PITX1: variants seen among roughly 807,000 people sequenced by gnomAD.
The protein encoded by PITX1 is pituitary homeobox 1.
A neutral mutation model predicts 24.1 loss-of-function variants in PITX1; 5 were observed. The observed-to-expected ratio is 0.21, with a 90% CI of 0.11 to 0.44. The LOEUF (loss-of-function observed/expected upper bound fraction) is 0.44. Ranked by LOEUF, PITX1 falls within the 20% of genes least tolerant of loss-of-function variation. The pLI, the probability that PITX1 is intolerant of heterozygous loss-of-function variation, is 0.99. For synonymous variants in PITX1, 213 were observed against 208.9 expected, an observed-to-expected ratio of 1.02 and a Z score of -0.17; for missense variants, 401 against 455.4, an observed-to-expected ratio of 0.88 and a Z score of 1.09.
Position 135,028,827 on chromosome 5 carries a change from G to T in PITX1, c.897C>A (p.Gly299=). 5 of 1,612,666 alleles carry T rather than the reference G, an allele frequency of 3.1e-6. No individual in the cohort carries two copies. The highest frequency in any genetic ancestry group is 4.2e-6 in the Non-Finnish European group (5 of 1,179,626). The change falls in exon 3 of 3, where the codon GGC becomes GGA. Residue 299 remains glycine (G), a synonymous_variant. Coordinates refer to ENST00000265340, the MANE Select transcript of PITX1 (RefSeq NM_002653.5). ...TGAGGCCCGAGGCCGGGCCCTGCAG[G>T]CCGCCGTAGCCAAACGACGAGTGCT... ...SKQHSSFGYG[G]LQGPASGLNA...
At position 135,029,103 on chromosome 5, in the gene PITX1, C is replaced by T. The variant is rs1331316432; in HGVS notation, c.621G>A (p.Pro207=). ...CTGAGAACATGGACTGCGACGACAG[C>T]GGGCTCATGGAGTTGAAGAAGGTGA... is the stretch of plus-strand genomic sequence containing the variant. ...KSFTFFNSMS[P]LSSQSMFSAP... Residue 207 remains proline (P), a synonymous_variant, in exon 3 of 3, where the codon CCG becomes CCA. Transcript: ENST00000265340. 6.2e-7 allele frequency: 1 copy of T among 1,614,200 alleles called. No homozygotes were observed. The highest frequency in any genetic ancestry group is 1.7e-5 in the Admixed American group (1 of 60,034).
chr5:135,029,043 G>A lies in PITX1; in HGVS notation c.681C>T (p.Ser227=). 3 of 1,614,236 alleles carry A rather than the reference G, an allele frequency of 1.9e-6. No homozygotes were observed. The highest frequency in any genetic ancestry group is 2.5e-6 in the Non-Finnish European group (3 of 1,180,038). The part of the protein sequence containing the change: ...PSSISSMTMP[S]SMGPGAVPGM... ...CAGGCACGGCGCCTGGGCCCATGCT[G>A]GACGGCATGGTCATGGAGGAGATGG... The change falls in exon 3 of 3, where the codon TCC becomes TCT. Residue 227 remains serine, a synonymous_variant. Transcript: ENST00000265340.
Position 135,033,970 on chromosome 5 carries a change from C to T in PITX1, c.-89G>A. On this transcript the variant is annotated 5_prime_UTR_variant, in exon 1 of 3. Coordinates refer to ENST00000265340, the MANE Select transcript of PITX1 (RefSeq NM_002653.5). The surrounding 1 kb of genome is among the most constrained non-coding windows in gnomAD (Gnocchi z 5.9). ...GCGACCTGCGGGGACAAGAGCGCAG[C>T]GCCTAAGCGGCTGCCCTCCAGGGCT... 2 of 891,094 alleles carry T rather than the reference C, an allele frequency of 2.2e-6. No individual in the cohort carries two copies. Among genetic ancestry groups the T allele is most frequent in the Non-Finnish European group, 3.0e-6 (2 of 674,830 alleles). The allele number at this position is 891,094 out of a possible 1,614,324, so 55.2% of individuals were successfully genotyped here.
At position 135,028,882 on chromosome 5, in the gene PITX1, C is replaced by G; in HGVS notation, c.842G>C (p.Ser281Thr). ...YSVYRDTCNS[S>T]LASLRLKSKQ... ...GGACTTGAGCCGCAGGCTGGCTAGG[C>G]TCGAGTTGCACGTGTCCCGGTAGAC... Residue 281 changes from serine (S) to threonine (T), a missense_variant, in exon 3 of 3, where the codon AGC becomes ACC. Transcript: ENST00000265340. The G allele has an allele frequency of 6.2e-7, 1 of 1,613,648 alleles. No homozygotes were observed. The highest frequency in any genetic ancestry group is 8.5e-7 in the Non-Finnish European group (1 of 1,179,908).
rs1365985651 is a variant in PITX1 at position 135,031,460 on chromosome 5, C to T, written c.218G>A (p.Gly73Glu). ...GTCTGCGCCGCCGCAGCCCGTGCCT[C>T]CCGCACCACTGTCCTCGGGCCCCTT... ...EPKGPEDSGAGGTGCGGADDP... is the reference protein window; with the variant it reads ...EPKGPEDSGAEGTGCGGADDP... The change falls in exon 2 of 3, where the codon GGA (glycine) becomes GAA (glutamate). Residue 73 changes from glycine to glutamate, a missense_variant. Around this residue, in one of 3 missense-constraint regions of PITX1, gnomAD observed 136 missense variants for 133.3 expected, o/e 1.02. Coordinates refer to ENST00000265340, the MANE Select transcript of PITX1 (RefSeq NM_002653.5). The T allele has an allele frequency of 6.2e-6, 10 of 1,613,742 alleles. No homozygotes were observed. The highest frequency in any genetic ancestry group is 2.2e-5 in the East Asian group (1 of 44,880).
Position 135,031,499 on chromosome 5 carries a change from C to A in PITX1, c.179G>T (p.Arg60Leu). 6.2e-7 allele frequency: 1 copy of A among 1,610,972 alleles called. No individual in the cohort carries two copies. Among genetic ancestry groups the A allele is most frequent in the South Asian group, 1.1e-5 (1 of 90,988 alleles). ...SSDTELPEKE[R>L]GGEPKGPEDS... ...CTCGGGCCCCTTGGGTTCCCCGCCGCGCTCCTTCTCTGCAGTAGGCAGGAC... is the reference window on the plus strand; with the variant it reads ...CTCGGGCCCCTTGGGTTCCCCGCCGAGCTCCTTCTCTGCAGTAGGCAGGAC... The change falls in exon 2 of 3, where the codon CGC becomes CTC. Residue 60 changes from arginine to leucine, a missense_variant. Coordinates refer to ENST00000265340, the MANE Select transcript of PITX1 (RefSeq NM_002653.5).
At chr5:135,032,859 G>A (rs1167173807) in intron 1 of PITX1, 1 of 352,724 alleles carries the variant, frequency 2.8e-6, no homozygotes, top group Non-Finnish European at 5.6e-6. Flanking sequence ...AAAGTGGAGA[G>A]AAACATTCAG....
chr5:135,030,238 C>A (rs1454595605), intron 2 of PITX1, among the ~76,000 whole-genome samples: 1 of 152,118 alleles, frequency 6.6e-6, no homozygotes, highest in Non-Finnish European at 1.5e-5. Flanking sequence ...GTGGAGTTTC[C>A]TGAGCTAGTT....
intron 1 of PITX1, chr5:135,031,727 G>C (rs1752454757): frequency 1.7e-6 from 1 of 595,352 alleles, no homozygotes; most frequent in African/African-American, 1.9e-5. Flanking sequence ...CCAAGAATCG[G>C]AGCTGGAGCC....
chr5:135,028,467 A>AAC lies in PITX1; in HGVS notation c.*310_*311dup, dbSNP rs70976561. 0.82 allele frequency: 126,152 copies of AAC among 153,076 alleles called. 52,862 individuals carry two copies. The highest frequency in any genetic ancestry group is 0.98 in the East Asian group (5,169 of 5,254). 9.5% of individuals were successfully genotyped at this position (153,076 alleles called of 1,614,324 possible). On this transcript the variant is annotated 3_prime_UTR_variant, in exon 3 of 3. Transcript: ENST00000265340. ...GGAGTGGGCCTCCGGGGCCCGTGGGAACACACACACCACCCGCGCCATCCC... is the reference window on the plus strand; with the variant it reads ...GGAGTGGGCCTCCGGGGCCCGTGGGAACACACACACACCACCCGCGCCATCCC...
chr5:135,033,588 T>G lies in PITX1; in HGVS notation c.169+125A>C. The G allele has an allele frequency of 3.0e-6, 3 of 989,938 alleles. No individual in the cohort carries two copies. Among genetic ancestry groups the G allele is most frequent in the South Asian group, 2.8e-5 (2 of 70,868 alleles). 61.3% of individuals were successfully genotyped at this position (989,938 alleles called of 1,614,324 possible). On this transcript the variant is annotated intron_variant, in intron 1 of 2. Transcript: ENST00000265340. The surrounding 1 kb of genome is among the most constrained non-coding windows in gnomAD (Gnocchi z 5.9). ...AGGTCGAGAACGGGAAAAAGAAAGC[T>G]CCTGACGCTTCTGGGGCGGAGAGGG... is the stretch of plus-strand genomic sequence containing the variant.
rs886765208 is a variant in PITX1 at position 135,029,120 on chromosome 5, A to G, written c.604T>C (p.Phe202Leu). ...APLSTKSFTF[F>L]NSMSPLSSQS... Reference sequence around the variant, plus strand: ...GACGACAGCGGGCTCATGGAGTTGAAGAAGGTGAAGCTCTTGGTGGAGAGC... The same window carrying G: ...GACGACAGCGGGCTCATGGAGTTGAGGAAGGTGAAGCTCTTGGTGGAGAGC... The change falls in exon 3 of 3, where the codon TTC (phenylalanine) becomes CTC (leucine). Residue 202 changes from phenylalanine (F) to leucine (L), a missense_variant. By Grantham distance (22) the Phe-to-Leu change is conservative. Around this residue, in one of 3 missense-constraint regions of PITX1, gnomAD observed 217 missense variants for 219.8 expected, o/e 0.99. Coordinates refer to ENST00000265340, the MANE Select transcript of PITX1 (RefSeq NM_002653.5). 23 of 1,614,236 alleles carry G rather than the reference A, an allele frequency of 1.4e-5. No individual in the cohort carries two copies. Among genetic ancestry groups the G allele is most frequent in the Non-Finnish European group, 1.9e-5 (23 of 1,180,038 alleles).
In PITX1 at chr5:135,031,361, G is replaced by A; in HGVS notation, c.317C>T (p.Ala106Val). 1 of 1,614,098 alleles carries A rather than the reference G, an allele frequency of 6.2e-7. No individual in the cohort carries two copies. The highest frequency in any genetic ancestry group is 1.7e-5 in the Admixed American group (1 of 60,032). Residue 106 changes from alanine to valine, a missense_variant, in exon 2 of 3, where the codon GCC (alanine) becomes GTC (valine). Transcript: ENST00000265340. ...GGGGTAGCGGTTCCTCTGGAACGTG[G>A]CCTCTAGCTCTTGCAACTGCTGGCT... ...FTSQQLQELE[A>V]TFQRNRYPDM...
In PITX1 at chr5:135,029,298, G is replaced by A. The variant is rs756617907; in HGVS notation, c.426C>T (p.Ala142=). 6.2e-7 allele frequency: 1 copy of A among 1,601,802 alleles called. No homozygotes were observed. Among genetic ancestry groups the A allele is most frequent in the Non-Finnish European group, 8.5e-7 (1 of 1,173,120 alleles). The stretch of plus-strand genomic sequence containing the variant: ...GGTTACGCTCGCGCTTACGCCACTT[G>A]GCTCGCCGGTTCTTGAACCAGACCT... The part of the protein sequence containing the change: ...RVRVWFKNRR[A]KWRKRERNQQ... Residue 142 remains alanine (A), a synonymous_variant, in exon 3 of 3, where the codon GCC becomes GCT. Coordinates refer to ENST00000265340, the MANE Select transcript of PITX1 (RefSeq NM_002653.5).
chr5:135,028,861 T>A lies in PITX1; in HGVS notation c.863A>T (p.Lys288Met). The change falls in exon 3 of 3, where the codon AAG (lysine) becomes ATG (methionine). Residue 288 changes from lysine (K) to methionine (M), a missense_variant. Lys to Met is a moderately conservative substitution (Grantham distance 95, BLOSUM62 -1). Around this residue, in one of 3 missense-constraint regions of PITX1, gnomAD observed 217 missense variants for 219.8 expected, o/e 0.99. Coordinates refer to ENST00000265340, the MANE Select transcript of PITX1 (RefSeq NM_002653.5). ...CNSSLASLRL[K>M]SKQHSSFGYG... ...GCCAAACGACGAGTGCTGTTTGGAC[T>A]TGAGCCGCAGGCTGGCTAGGCTCGA... 6.2e-7 allele frequency: 1 copy of A among 1,613,870 alleles called. No homozygotes were observed. Among genetic ancestry groups the A allele is most frequent in the Non-Finnish European group, 8.5e-7 (1 of 1,179,944 alleles).
Position 135,028,549 on chromosome 5 carries a change from CTTTTTTTTTTTT to C in PITX1, c.*218_*229del, listed in dbSNP as rs70976562. The C allele has an allele frequency of 1.0e-4, 8 of 76,290 alleles. 2 individuals carry two copies. The highest frequency in any genetic ancestry group is 8.1e-4 in the East Asian group (2 of 2,470). 4.7% of individuals were successfully genotyped at this position (76,290 alleles called of 1,614,324 possible). A position where few individuals can be genotyped will look rare whatever the true frequency, so the allele number is the denominator to read the frequency against. On this transcript the variant is annotated 3_prime_UTR_variant, in exon 3 of 3. Coordinates refer to ENST00000265340, the MANE Select transcript of PITX1 (RefSeq NM_002653.5). Reference sequence around the variant, plus strand: ...GGCACTTTTCTCCGACGTCTTTTTGCTTTTTTTTTTTTTTTTTTTTTTTTGTCTTTTTGGAGG... The same window carrying C: ...GGCACTTTTCTCCGACGTCTTTTTGCTTTTTTTTTTTTGTCTTTTTGGAGG...
chr5:135,031,543 G>A (rs1440912043), intron 1 of PITX1, 35 bp from the exon 2 acceptor site: 1 of 1,549,504 alleles, frequency 6.5e-7, no homozygotes, highest in Non-Finnish European at 8.8e-7. Flanking sequence ...GGTCACCTGG[G>A]CTTACGCCCC....
Position 135,033,926 on chromosome 5 carries a change from G to T in PITX1, c.-45C>A. The T allele has an allele frequency of 8.1e-7, 1 of 1,229,316 alleles. No homozygotes were observed. The highest frequency in any genetic ancestry group is 1.0e-6 in the Non-Finnish European group (1 of 967,752). 76.2% of individuals were successfully genotyped at this position (1,229,316 alleles called of 1,614,324 possible). A position where few individuals can be genotyped will look rare whatever the true frequency, so the allele number is the denominator to read the frequency against. On this transcript the variant is annotated 5_prime_UTR_variant, in exon 1 of 3. Transcript: ENST00000265340. This position sits in a 1 kb window ranked among gnomAD's most constrained non-coding sequence, Gnocchi z 5.9. ...GGCGCTCCAGGGGCCGGGGCTGGGC[G>T]CGCCCCGCCGCCCTGGCTGCGACCT... is the stretch of plus-strand genomic sequence containing the variant.
At chr5:135,032,420 C>G (rs1046299386) in intron 1 of PITX1, among the ~76,000 whole-genome samples, 1 of 152,094 alleles carries the variant, frequency 6.6e-6, no homozygotes, top group Non-Finnish European at 1.5e-5. Context: ...CCAATAAGGC[C>G]CTTGTAGAGA....
Sources: allele counts gnomAD v4.1 joint callset (sites outside exome capture counted in the v4.1 genomes callset), GRCh38; gene constraint gnomAD v4.1.1; regional missense constraint gnomAD v4.1.1; non-coding constraint Gnocchi (gnomAD v3.1); transcripts MANE v1.5; gene names NCBI Gene and HGNC (gene_info 2026-07-23, HGNC 2026-07-21).